MBD5: variants seen among roughly 807,000 people sequenced by gnomAD.
MBD5 encodes the protein methyl-CpG-binding domain protein 5.
MBD5 carries 13 observed loss-of-function variants against 117.3 expected under a neutral mutation model. That is an observed-to-expected ratio of 0.11 (90% CI 0.07 to 0.18). The LOEUF (loss-of-function observed/expected upper bound fraction) is 0.18. Ranked by LOEUF, MBD5 falls within the 10% of genes least tolerant of loss-of-function variation. The pLI, the probability that MBD5 is intolerant of heterozygous loss-of-function variation, is 1.00. For synonymous variants in MBD5, 727 were observed against 766.4 expected (o/e 0.95, Z 0.85); for missense variants, 1,879 against 2,093.8 (o/e 0.90, Z 2.00).
chr2:148,123,756 A>G (rs1342844859), intron 1 of MBD5, among the ~76,000 whole-genome samples: 1 of 152,194 alleles, frequency 6.6e-6, no homozygotes, highest in East Asian at 1.9e-4. Flanking sequence ...GTATCTGTGC[A>G]GGAAGAAGAC....
intron 4 of MBD5, among the ~76,000 whole-genome samples, chr2:148,362,876 G>A (rs1264724155): frequency 2.0e-5 from 3 of 152,074 alleles, no homozygotes; most frequent in Non-Finnish European, 4.4e-5. Flanking sequence ...GCAAACTCCA[G>A]CAGACCTGCA....
intron 3 of MBD5, among the ~76,000 whole-genome samples, chr2:148,301,921 G>A (rs572474771): frequency 2.6e-5 from 4 of 151,964 alleles, no homozygotes; most frequent in African/African-American, 9.6e-5. Flanking sequence ...CTATCTATTG[G>A]GAGACTGCCT....
chr2:148,291,581 C>T (rs1701501759), intron 3 of MBD5, among the ~76,000 whole-genome samples: 1 of 152,014 alleles, frequency 6.6e-6, no homozygotes. Context: ...GTATATTGAT[C>T]TTGTATCCTG....
In MBD5 at chr2:148,409,539, T is replaced by G. The variant is rs549868122; in HGVS notation, c.-556-48664T>G. The stretch of plus-strand genomic sequence containing the variant: ...CTACTTAAGTGTAGCTCTGAAGTGT[T>G]TTCTAAAAGTTATTCCACAGTTTTT... On this transcript the variant is annotated intron_variant, in intron 4 of 13. Transcript: ENST00000642680. Among the ~76,000 whole-genome samples, 3 of 152,280 alleles carry G rather than the reference T, an allele frequency of 2.0e-5. No individual in the cohort carries two copies. The South Asian group carries it at 6.2e-4, about 32-fold the overall frequency.
At chr2:148,227,575 T>G (rs1355719012) in intron 2 of MBD5, among the ~76,000 whole-genome samples, 4 of 152,232 alleles carry the variant, frequency 2.6e-5, no homozygotes, top group Admixed American at 2.6e-4. Context: ...TCTTTTGGCT[T>G]AGGATTGACT....
chr2:148,433,321 C>T (rs1706049593), intron 4 of MBD5, among the ~76,000 whole-genome samples: 1 of 152,074 alleles, frequency 6.6e-6, no homozygotes, highest in Non-Finnish European at 1.5e-5. Flanking sequence ...TTGACTTCCT[C>T]TCTATTTGGA....
intron 4 of MBD5, among the ~76,000 whole-genome samples, chr2:148,383,767 G>C (rs566292259): frequency 9.9e-5 from 15 of 152,174 alleles, no homozygotes; most frequent in African/African-American, 1.9e-4. Context: ...CCACCATGAT[G>C]AAGTGGGCTT....
intron 4 of MBD5, among the ~76,000 whole-genome samples, chr2:148,416,938 A>C (rs967478429): frequency 6.6e-6 from 1 of 152,148 alleles, no homozygotes; most frequent in Admixed American, 6.6e-5. Flanking sequence ...AGTTTCTCCA[A>C]AAGACATTAG....
intron 8 of MBD5, among the ~76,000 whole-genome samples, chr2:148,482,306 TAAAA>T (rs1214476220): frequency 3.3e-5 from 5 of 152,144 alleles, no homozygotes; most frequent in Non-Finnish European, 7.4e-5. Context: ...TTGGAAATAA[TAAAA>T]AAACTCATGA....
At chr2:148,313,586 G>T (rs990778064) in intron 3 of MBD5, among the ~76,000 whole-genome samples, 1 of 152,218 alleles carries the variant, frequency 6.6e-6, no homozygotes, top group Non-Finnish European at 1.5e-5. Flanking sequence ...CTCTGTGGGA[G>T]TGGGATCCAC....
chr2:148,463,683 C>A (rs1707169303), intron 6 of MBD5, 56 bp from the exon 7 acceptor site: 1 of 1,587,546 alleles, frequency 6.3e-7, no homozygotes, highest in South Asian at 1.1e-5. Context: ...ACAAAGGGAT[C>A]TTTTTATTAA....
chr2:148,400,331 A>G lies in MBD5; in HGVS notation c.-556-57872A>G, dbSNP rs73015197. ...GGTTAAAGCAGGGTTAGCACCTAAG[A>G]CAGAGCAGGAATGTTAATTCTCTAT... is the stretch of plus-strand genomic sequence containing the variant. On this transcript the variant is annotated intron_variant, in intron 4 of 13. Coordinates refer to ENST00000642680, the MANE Select transcript of MBD5 (RefSeq NM_001378120.1). 5.3e-3 allele frequency among the ~76,000 whole-genome samples: 800 copies of G among 152,280 alleles called. 8 individuals carry two copies. The highest frequency in any genetic ancestry group is 0.019 in the African/African-American group (775 of 41,572).
intron 1 of MBD5, among the ~76,000 whole-genome samples, chr2:148,075,231 A>G (rs1043643280): frequency 6.6e-6 from 1 of 152,174 alleles, no homozygotes; most frequent in African/African-American, 2.4e-5. Context: ...GTAAGGGAGA[A>G]ACTGAGACTT....
At chr2:148,505,272 T>TG (rs1681996787) in intron 12 of MBD5, among the ~76,000 whole-genome samples, 1 of 152,154 alleles carries the variant, frequency 6.6e-6, no homozygotes, top group African/African-American at 2.4e-5. Context: ...CAGTACAGTT[T>TG]GGGGTGCCTG....
chr2:148,388,312 C>G (rs141108104), intron 4 of MBD5, among the ~76,000 whole-genome samples: 1 of 152,194 alleles, frequency 6.6e-6, no homozygotes, highest in African/African-American at 2.4e-5. Flanking sequence ...TTAGAGAAGT[C>G]TTCGGTGACT....
rs774551211 is a variant in MBD5 at position 148,483,367 on chromosome 2, T to C, written c.2776T>C (p.Leu926=). The change falls in exon 9 of 14, where the codon TTG becomes CTG. Residue 926 remains leucine, a synonymous_variant. Coordinates refer to ENST00000642680, the MANE Select transcript of MBD5 (RefSeq NM_001378120.1). ...PSLLSSLPIS[L]PVNQQHLLNQ... ...CCTCCTCAGTTCTCTACCTATCTCTTTGCCAGTGAATCAACAGCATCTCCT... is the reference window on the plus strand; with the variant it reads ...CCTCCTCAGTTCTCTACCTATCTCTCTGCCAGTGAATCAACAGCATCTCCT... 1 of 1,614,082 alleles carries C rather than the reference T, an allele frequency of 6.2e-7. No individual in the cohort carries two copies. The highest frequency in any genetic ancestry group is 8.5e-7 in the Non-Finnish European group (1 of 1,180,010).
chr2:148,088,911 C>G (rs1034838298), intron 1 of MBD5, among the ~76,000 whole-genome samples: 9 of 152,010 alleles, frequency 5.9e-5, no homozygotes, highest in Non-Finnish European at 8.8e-5. Flanking sequence ...TACAGAATGG[C>G]AGAATGGATA....
chr2:148,463,492 A>G (rs1707162818), intron 6 of MBD5, among the ~76,000 whole-genome samples: 1 of 152,124 alleles, frequency 6.6e-6, no homozygotes, highest in Non-Finnish European at 1.5e-5. Flanking sequence ...CAGATATTAT[A>G]CCTTTTCATA....
At chr2:148,223,338 G>C (rs185632060) in intron 2 of MBD5, among the ~76,000 whole-genome samples, 2 of 151,912 alleles carry the variant, frequency 1.3e-5, no homozygotes, top group Non-Finnish European at 2.9e-5. Context: ...AGTAGTATTG[G>C]TATTCATTTT....
Sources: allele counts gnomAD v4.1 joint callset (sites outside exome capture counted in the v4.1 genomes callset), GRCh38; gene constraint gnomAD v4.1.1; transcripts MANE v1.5; gene names NCBI Gene and HGNC (gene_info 2026-07-23, HGNC 2026-07-21).